Variants in RNF169 observed in about 807,000 individuals in gnomAD.
RNF169 encodes the protein ring finger protein 169.
In RNF169, 24 loss-of-function variants were observed where a neutral mutation model predicts 53.9. The observed-to-expected ratio is 0.45, with a 90% CI of 0.32 to 0.63. The LOEUF is 0.63. RNF169 is among the 20% of genes least tolerant of loss of function. The pLI is 0.04. For missense variants in RNF169, 883 were observed against 906.2 expected (o/e 0.97, Z 0.33); for synonymous variants, 396 against 363.5 (o/e 1.09, Z -1.02).
At chr11:74,826,802 A>G (rs2036104275) in intron 4 of RNF169, among the ~76,000 whole-genome samples, 1 of 152,226 alleles carries the variant, frequency 6.6e-6, no homozygotes, top group South Asian at 2.1e-4. Context: ...CTTTGACTCC[A>G]TGTCTCACAT....
chr11:74,801,885 C>T (rs1591414787), intron 2 of RNF169, among the ~76,000 whole-genome samples: 1 of 152,046 alleles, frequency 6.6e-6, no homozygotes, highest in Non-Finnish European at 1.5e-5. Flanking sequence ...CTTGTGAAAC[C>T]CCCCTTAGAA....
At chr11:74,826,270 G>A (rs890862293) in intron 4 of RNF169, among the ~76,000 whole-genome samples, 2 of 152,108 alleles carry the variant, frequency 1.3e-5, no homozygotes, top group Non-Finnish European at 2.9e-5. Flanking sequence ...ATGTCACAGC[G>A]AGCCAAGATT....
In RNF169 at chr11:74,836,042, T is replaced by C; in HGVS notation, c.1439T>C (p.Val480Ala). The change falls in exon 6 of 6, where the codon GTA becomes GCA. Residue 480 changes from valine (V) to alanine (A), a missense_variant. Val to Ala is a moderately conservative substitution (Grantham distance 64, BLOSUM62 0). Coordinates refer to ENST00000299563, the MANE Select transcript of RNF169 (RefSeq NM_001098638.2). ...HSSKEKPLVA[V>A]NTRLSGGQVL... ...AGCAAGGAGAAGCCACTTGTGGCTG[T>C]AAATACAAGATTATCTGGTGGGCAG... The C allele has an allele frequency of 6.2e-7, 1 of 1,614,180 alleles. No individual in the cohort carries two copies. The highest frequency in any genetic ancestry group is 1.6e-4 in the Middle Eastern group (1 of 6,062).
rs538181370 is a variant in RNF169 at position 74,820,343 on chromosome 11, C to T, written c.842+2629C>T. Among the ~76,000 whole-genome samples, 177 of 152,084 alleles carry T rather than the reference C, an allele frequency of 1.2e-3. 4 individuals are homozygous for T. Among genetic ancestry groups the T allele is most frequent in the Non-Finnish European group, 3.5e-4 (24 of 68,006 alleles). On this transcript the variant is annotated intron_variant, in intron 4 of 5. Coordinates refer to ENST00000299563, the MANE Select transcript of RNF169 (RefSeq NM_001098638.2). ...GTTATGCCTTACCTACAAGCTAGGG[C>T]AGGGGGGTTTACTCTATGATTTCTT...
Position 74,772,537 on chromosome 11 carries a change from C to CT in RNF169, c.503-17083dup, listed in dbSNP as rs373248742. ...GTGCTGGGCCCTATACTGTAAAGCT[C>CT]TTTTTTACCCTGTGAGTTGCATAGC... On this transcript the variant is annotated intron_variant, in intron 1 of 5. Coordinates refer to ENST00000299563, the MANE Select transcript of RNF169 (RefSeq NM_001098638.2). Among the ~76,000 whole-genome samples the CT allele has an allele frequency of 1.6e-3, 214 of 133,272 alleles. 2 individuals are homozygous for CT. Among genetic ancestry groups the CT allele is most frequent in the African/African-American group, 5.7e-3 (204 of 35,820 alleles). The allele number at this position is 133,272 out of a possible 152,430, so 87.4% of individuals were successfully genotyped here. A position where few individuals can be genotyped will look rare whatever the true frequency, so the allele number is the denominator to read the frequency against.
Position 74,817,671 on chromosome 11 carries a change from T to A in RNF169, c.799T>A (p.Phe267Ile), listed in dbSNP as rs1377054024. 6.2e-7 allele frequency: 1 copy of A among 1,613,956 alleles called. No individual in the cohort carries two copies. ...GQMTQTHRSA[F>I]VSKNNSYSLA... ...GATGACACAGACACATCGCTCGGCA[T>A]TTGTTTCCAAGAACAACTCCTACTC... The change falls in exon 4 of 6, where the codon TTT becomes ATT. Residue 267 changes from phenylalanine to isoleucine, a missense_variant. Physicochemically the swap from Phe to Ile is conservative, Grantham distance 21. Transcript: ENST00000299563.
chr11:74,789,973 A>G (rs1334451871), intron 2 of RNF169, among the ~76,000 whole-genome samples: 1 of 152,204 alleles, frequency 6.6e-6, no homozygotes, highest in African/African-American at 2.4e-5. Context: ...CCAGAGAAGT[A>G]TTCTTGGTAC....
Position 74,817,580 on chromosome 11 carries a change from C to G in RNF169, c.724-16C>G. 2 of 1,541,798 alleles carry G rather than the reference C, an allele frequency of 1.3e-6. No homozygotes were observed. The highest frequency in any genetic ancestry group is 1.8e-6 in the Non-Finnish European group (2 of 1,114,030). ...ACTCCAAATGGACAGTGTTGTCTCC[C>G]TTGTCTCCCTGCCAGTGTCCTGCAC... On this transcript the variant is annotated splice_polypyrimidine_tract_variant and intron_variant, in intron 3 of 5. Transcript: ENST00000299563.
chr11:74,824,922 G>T (rs2036070763), intron 4 of RNF169, among the ~76,000 whole-genome samples: 1 of 152,142 alleles, frequency 6.6e-6, no homozygotes, highest in South Asian at 2.1e-4. Context: ...GAGGAGATTG[G>T]GAGAATGGAC....
intron 1 of RNF169, among the ~76,000 whole-genome samples, chr11:74,779,330 T>G (rs2035383150): frequency 6.6e-6 from 1 of 152,140 alleles, no homozygotes; most frequent in Non-Finnish European, 1.5e-5. Context: ...ACCATAGTAG[T>G]AATCGGTGGT....
At chr11:74,771,675 A>G (rs1309829641) in intron 1 of RNF169, among the ~76,000 whole-genome samples, 1 of 152,192 alleles carries the variant, frequency 6.6e-6, no homozygotes, top group Non-Finnish European at 1.5e-5. Flanking sequence ...CTAAACTCTA[A>G]CCTGGGTGAC....
At position 74,839,503 on chromosome 11, in the gene RNF169, G is replaced by A. The variant is rs761008693; in HGVS notation, c.*2773G>A. 1 of 152,216 alleles carries A rather than the reference G, an allele frequency of 6.6e-6. No individual in the cohort carries two copies. The highest frequency in any genetic ancestry group is 1.5e-5 in the Non-Finnish European group (1 of 68,036). 9.4% of individuals were successfully genotyped at this position (152,216 alleles called of 1,614,324 possible). On this transcript the variant is annotated 3_prime_UTR_variant, in exon 6 of 6. Coordinates refer to ENST00000299563, the MANE Select transcript of RNF169 (RefSeq NM_001098638.2). ...GGAAGGAAACAGAACGATGGGAAGG[G>A]TTTGTGAGCTAGAATAAGAGGTGCA...
intron 4 of RNF169, among the ~76,000 whole-genome samples, chr11:74,834,093 G>A (rs1280026762): frequency 6.6e-6 from 1 of 152,198 alleles, no homozygotes; most frequent in Non-Finnish European, 1.5e-5. Context: ...GTGGAGTTTG[G>A]TTTGGGTTAT....
chr11:74,816,121 G>A (rs1414842628), intron 3 of RNF169, among the ~76,000 whole-genome samples: 3 of 152,146 alleles, frequency 2.0e-5, no homozygotes, highest in African/African-American at 7.2e-5. Context: ...TTGTGTCGCT[G>A]TGCCTGTCAG....
intron 2 of RNF169, among the ~76,000 whole-genome samples, chr11:74,800,072 T>C (rs956541214): frequency 1.7e-4 from 25 of 151,474 alleles, no homozygotes; most frequent in African/African-American, 6.1e-4. Context: ...TATATGCCAA[T>C]ATTTTCCCTA....
At position 74,760,067 on chromosome 11, in the gene RNF169, A is replaced by G. The variant is rs2035056174; in HGVS notation, c.502+10685A>G. 1.3e-5 allele frequency among the ~76,000 whole-genome samples: 2 copies of G among 151,360 alleles called. 1 individual carries two copies. The highest frequency in any genetic ancestry group is 4.9e-5 in the African/African-American group (2 of 40,840). On this transcript the variant is annotated intron_variant, in intron 1 of 5. Transcript: ENST00000299563. Reference sequence around the variant, plus strand: ...AGTGTATGTGTCGAGGAATGTATCCATTTCTTCTAGATTTTCTAGTTTATT... The same window carrying G: ...AGTGTATGTGTCGAGGAATGTATCCGTTTCTTCTAGATTTTCTAGTTTATT...
rs1430474399 is a variant in RNF169 at position 74,841,100 on chromosome 11, A to G, written c.*4370A>G. On this transcript the variant is annotated 3_prime_UTR_variant, in exon 6 of 6. Coordinates refer to ENST00000299563, the MANE Select transcript of RNF169 (RefSeq NM_001098638.2). ...TGGAAAGTGATATATTTTGATTGGA[A>G]TAATTTTAATTAAATTTAATGATTT... The G allele has an allele frequency of 2.0e-5, 3 of 152,192 alleles. No homozygotes were observed. Among genetic ancestry groups the G allele is most frequent in the Non-Finnish European group, 4.4e-5 (3 of 68,040 alleles). 9.4% of individuals were successfully genotyped at this position (152,192 alleles called of 1,614,324 possible).
chr11:74,759,011 A>G (rs909278806), intron 1 of RNF169, among the ~76,000 whole-genome samples: 3 of 150,772 alleles, frequency 2.0e-5, no homozygotes, highest in Non-Finnish European at 3.0e-5. Flanking sequence ...GTTCTCCTTG[A>G]AGAGGTCCTT....
At chr11:74,820,367 T>G (rs1278534892) in intron 4 of RNF169, among the ~76,000 whole-genome samples, 2 of 152,130 alleles carry the variant, frequency 1.3e-5, no homozygotes, top group African/African-American at 2.4e-5. Flanking sequence ...CTATGATTTC[T>G]TAAGATTCTT....
Sources: gnomAD v4.1 joint callset for allele counts (sites outside exome capture counted in the v4.1 genomes callset) on GRCh38, gnomAD v4.1.1 for gene constraint, MANE v1.5 for transcripts, NCBI Gene and HGNC (gene_info 2026-07-23, HGNC 2026-07-21) for gene names.